The following TTC28 variants were observed in gnomAD, a reference collection of about 807,000 sequenced individuals.
TTC28 encodes the protein tetratricopeptide repeat domain 28.
Under a neutral mutation model 198.0 loss-of-function variants are expected in TTC28, and 61 were observed. That is an observed-to-expected ratio of 0.31 (90% CI 0.25 to 0.38). The LOEUF (loss-of-function observed/expected upper bound fraction) is 0.38. Among genes scored for constraint, TTC28 ranks in the 10% least tolerant of loss-of-function variants. TTC28 has a pLI of 1.00. For missense variants in TTC28, 2,678 were observed against 3,164.0 expected (o/e 0.85, Z 3.69); for synonymous variants, 1,171 against 1,297.8 (o/e 0.90, Z 2.10).
intron 5 of TTC28, among the ~76,000 whole-genome samples, chr22:28,244,387 T>C (rs1169611587): frequency 6.6e-6 from 1 of 152,218 alleles, no homozygotes; most frequent in Non-Finnish European, 1.5e-5. Flanking sequence ...CTTCGTCTCC[T>C]TTCAAATATG....
intron 2 of TTC28, among the ~76,000 whole-genome samples, chr22:28,458,902 C>G (rs907165896): frequency 2.0e-5 from 3 of 150,328 alleles, no homozygotes; most frequent in African/African-American, 7.3e-5. Flanking sequence ...AAAAATTTAC[C>G]AAAATAATAA....
chr22:28,452,389 CAAAAAAAAAAAA>C (rs71194768), intron 2 of TTC28, among the ~76,000 whole-genome samples: 150 of 43,252 alleles, frequency 3.5e-3, no homozygotes, highest in East Asian at 0.01. Context: ...GATTCCATCT[CAAAAAAAAAAAA>C]AAAAAAAAAA....
At chr22:28,303,020 TCCCTGGGTC>T (rs1327516598) in intron 3 of TTC28, among the ~76,000 whole-genome samples, 1 of 152,164 alleles carries the variant, frequency 6.6e-6, no homozygotes, top group Admixed American at 6.5e-5. Context: ...AAAATCAGCT[TCCCTGGGTC>T]CCCAGGAGCT....
At chr22:28,118,115 T>C (rs1161686590) in intron 6 of TTC28, among the ~76,000 whole-genome samples, 1 of 152,126 alleles carries the variant, frequency 6.6e-6, no homozygotes, top group Non-Finnish European at 1.5e-5. Flanking sequence ...AAAAGAATTA[T>C]GGGCCAGGAG....
intron 1 of TTC28, among the ~76,000 whole-genome samples, chr22:28,657,740 G>C (rs919162435): frequency 6.6e-6 from 1 of 152,088 alleles, no homozygotes; most frequent in African/African-American, 2.4e-5. Context: ...TAAACTAGGT[G>C]AGATGGCGCA....
At chr22:28,295,471 C>A (rs2044875019) in intron 5 of TTC28, among the ~76,000 whole-genome samples, 2 of 152,116 alleles carry the variant, frequency 1.3e-5, no homozygotes, top group South Asian at 4.1e-4. Flanking sequence ...TATTTATAAT[C>A]CTACCACAAC....
chr22:28,004,800 T>G lies in TTC28; in HGVS notation c.4219-3247A>C, dbSNP rs974555018. ...GTGTGCTGTCCTTGCACTGAAAGATTAGTTATAATCCAACGTGAACTTGAA... is the reference window on the plus strand; with the variant it reads ...GTGTGCTGTCCTTGCACTGAAAGATGAGTTATAATCCAACGTGAACTTGAA... On this transcript the variant is annotated intron_variant, in intron 14 of 22. Transcript: ENST00000397906. Among the ~76,000 whole-genome samples, 42 of 152,212 alleles carry G rather than the reference T, an allele frequency of 2.8e-4. 1 individual carries two copies. Among genetic ancestry groups the G allele is most frequent in the Non-Finnish European group, 7.3e-5 (5 of 68,038 alleles).
chr22:28,122,593 GTTGTT>G (rs1198210497), intron 6 of TTC28, among the ~76,000 whole-genome samples: 1 of 152,082 alleles, frequency 6.6e-6, no homozygotes, highest in Non-Finnish European at 1.5e-5. Context: ...TTTGATATGG[GTTGTT>G]TTGTTTACAT....
intron 2 of TTC28, among the ~76,000 whole-genome samples, chr22:28,496,068 T>C (rs2048451144): frequency 6.6e-6 from 1 of 152,140 alleles, no homozygotes; most frequent in African/African-American, 2.4e-5. Flanking sequence ...GCTTCCAGGA[T>C]ACACCAAGCT....
intron 1 of TTC28, among the ~76,000 whole-genome samples, chr22:28,642,300 A>G (rs1014396263): frequency 2.0e-5 from 3 of 152,028 alleles, no homozygotes; most frequent in Non-Finnish European, 4.4e-5. Context: ...AAATAGGAAA[A>G]GTTTTGTGAA....
At chr22:28,072,976 GA>G in intron 12 of TTC28, among the ~76,000 whole-genome samples, 1 of 152,306 alleles carries the variant, frequency 6.6e-6, no homozygotes, top group African/African-American at 2.4e-5. Flanking sequence ...CAGAAGCACT[GA>G]TGGAGGAGAA....
At chr22:28,664,789 A>T (rs375403644) in intron 1 of TTC28, among the ~76,000 whole-genome samples, 6 of 29,292 alleles carry the variant, frequency 2.0e-4, no homozygotes, top group South Asian at 1.5e-3. Context: ...TTCAGGAAGT[A>T]CAGAGAACAC....
chr22:28,156,780 G>A (rs990464137), intron 6 of TTC28, among the ~76,000 whole-genome samples: 4 of 152,088 alleles, frequency 2.6e-5, no homozygotes, highest in African/African-American at 9.7e-5. Flanking sequence ...TCAAAGGTTG[G>A]GGGTACAAAA....
intron 2 of TTC28, among the ~76,000 whole-genome samples, chr22:28,331,740 T>C (rs2045619937): frequency 6.6e-6 from 1 of 152,056 alleles, no homozygotes; most frequent in South Asian, 2.1e-4. Context: ...AATGCTGAAA[T>C]CCAGAGAGAA....
intron 5 of TTC28, among the ~76,000 whole-genome samples, chr22:28,225,449 T>C (rs1928258808): frequency 1.3e-5 from 2 of 151,886 alleles, no homozygotes; most frequent in South Asian, 4.2e-4. Context: ...TTCATTCCGT[T>C]TTCCCAAGTT....
chr22:28,453,467 C>CA (rs1424422487), intron 2 of TTC28, among the ~76,000 whole-genome samples: 1 of 152,184 alleles, frequency 6.6e-6, no homozygotes, highest in Non-Finnish European at 1.5e-5. Context: ...ACTGCCTACC[C>CA]AACATCTCCT....
intron 2 of TTC28, among the ~76,000 whole-genome samples, chr22:28,332,040 A>G (rs981899255): frequency 1.1e-4 from 16 of 152,130 alleles, no homozygotes; most frequent in Admixed American, 1.0e-3. Flanking sequence ...TGACACTTGC[A>G]TATGAGTCTT....
At chr22:28,233,519 TA>T (rs1294337176) in intron 5 of TTC28, among the ~76,000 whole-genome samples, 6 of 152,214 alleles carry the variant, frequency 3.9e-5, no homozygotes, top group African/African-American at 1.4e-4. Flanking sequence ...AAAAATAAAA[TA>T]AAATGATAAA....
chr22:28,191,812 C>G (rs1029393383), intron 5 of TTC28, among the ~76,000 whole-genome samples: 9 of 152,160 alleles, frequency 5.9e-5, no homozygotes, highest in Non-Finnish European at 8.8e-5. Context: ...TGGGTGGAGC[C>G]CACTGCAGCT....
Sources: allele counts gnomAD v4.1 joint callset (sites outside exome capture counted in the v4.1 genomes callset), GRCh38; gene constraint gnomAD v4.1.1; transcripts MANE v1.5; gene names NCBI Gene and HGNC (gene_info 2026-07-23, HGNC 2026-07-21).